The following LRP12 variants were observed in gnomAD, a reference collection of about 807,000 sequenced individuals.
LRP12 encodes low-density lipoprotein receptor-related protein 12.
LRP12 carries 14 observed loss-of-function variants against 66.0 expected under a neutral mutation model. The observed-to-expected ratio is 0.21, with a 90% CI of 0.14 to 0.33. The LOEUF (loss-of-function observed/expected upper bound fraction) is 0.33, where lower values mean the gene tolerates loss of function less well. Ranked by LOEUF, LRP12 falls within the 10% of genes least tolerant of loss-of-function variation. The pLI is 1.00. For missense variants in LRP12, 889 were observed against 1,053.4 expected (o/e 0.84, Z 2.16); for synonymous variants, 357 against 359.1 (o/e 0.99, Z 0.07).
chr8:104,497,750 CATAAAA>C lies in LRP12; in HGVS notation c.796_801del (p.Phe266_Tyr267del). On this transcript the variant is annotated inframe_deletion, in exon 5 of 7. Coordinates refer to ENST00000276654, the MANE Select transcript of LRP12 (RefSeq NM_013437.5). The surrounding 1 kb of genome is among the most constrained non-coding windows in gnomAD (Gnocchi z 4.3). ...GGATAATTGGGAGAATTAAAAGTACCATAAAAATATTTTAGCCATTGCCCACATGTT... is the reference window on the plus strand; with the variant it reads ...GGATAATTGGGAGAATTAAAAGTACCATATTTTAGCCATTGCCCACATGTT... 1 of 1,613,654 alleles carries C rather than the reference CATAAAA, an allele frequency of 6.2e-7. No homozygotes were observed. The highest frequency in any genetic ancestry group is 1.1e-5 in the South Asian group (1 of 90,978).
intron 1 of LRP12, among the ~76,000 whole-genome samples, chr8:104,577,743 G>A (rs1260344815): frequency 2.0e-5 from 3 of 150,730 alleles, no homozygotes; most frequent in African/African-American, 2.4e-5. Flanking sequence ...CCAGGGAGGC[G>A]GAGCTTGCAG....
intron 2 of LRP12, among the ~76,000 whole-genome samples, chr8:104,525,371 G>A (rs1040661861): frequency 1.3e-5 from 2 of 151,976 alleles, no homozygotes; most frequent in African/African-American, 4.8e-5. Flanking sequence ...TGTAGCATCA[G>A]AACGAGCAAA....
At chr8:104,567,870 C>T (rs978663550) in intron 1 of LRP12, among the ~76,000 whole-genome samples, 20 of 152,302 alleles carry the variant, frequency 1.3e-4, no homozygotes, top group African/African-American at 4.3e-4. Flanking sequence ...AGATTCCATG[C>T]AATCCCTATC....
At chr8:104,532,550 G>C (rs1244831948) in intron 1 of LRP12, among the ~76,000 whole-genome samples, 1 of 151,900 alleles carries the variant, frequency 6.6e-6, no homozygotes, top group Non-Finnish European at 1.5e-5. Flanking sequence ...TACATCATTA[G>C]TTCTAAAGGT....
At chr8:104,524,342 A>G (rs1811197794) in intron 2 of LRP12, among the ~76,000 whole-genome samples, 1 of 152,112 alleles carries the variant, frequency 6.6e-6, no homozygotes. Context: ...AGTCAACAGC[A>G]TGCTATTGAG....
chr8:104,586,652 T>C (rs1223411242), intron 1 of LRP12, among the ~76,000 whole-genome samples: 1 of 152,210 alleles, frequency 6.6e-6, no homozygotes, highest in Non-Finnish European at 1.5e-5. Flanking sequence ...ACTATTGTTA[T>C]AGAACCACAT....
intron 1 of LRP12, among the ~76,000 whole-genome samples, chr8:104,536,968 T>C (rs1811400262): frequency 6.6e-6 from 1 of 151,364 alleles, no homozygotes; most frequent in Non-Finnish European, 1.5e-5. Flanking sequence ...GAAAAAAGAT[T>C]AAAAGAAAAA....
At chr8:104,583,531 T>C (rs1303269306) in intron 1 of LRP12, among the ~76,000 whole-genome samples, 1 of 152,194 alleles carries the variant, frequency 6.6e-6, no homozygotes, top group African/African-American at 2.4e-5. Context: ...TGTCTGTTTC[T>C]TTGAGAGCAC....
intron 1 of LRP12, among the ~76,000 whole-genome samples, chr8:104,574,166 T>C (rs538886403): frequency 1.2e-4 from 18 of 152,158 alleles, no homozygotes; most frequent in Non-Finnish European, 1.9e-4. Context: ...TTTTTGTTTC[T>C]GTTGGAAAAT....
intron 1 of LRP12, among the ~76,000 whole-genome samples, chr8:104,552,365 T>C (rs1195409862): frequency 6.6e-6 from 1 of 151,696 alleles, no homozygotes; most frequent in East Asian, 1.9e-4. Flanking sequence ...AAATATGTCT[T>C]TTTTTTGTTG....
At chr8:104,526,266 T>G (rs1344233091) in intron 2 of LRP12, among the ~76,000 whole-genome samples, 1 of 151,960 alleles carries the variant, frequency 6.6e-6, no homozygotes, top group Non-Finnish European at 1.5e-5. Flanking sequence ...CCAAGGTAAT[T>G]TATAGATTCA....
chr8:104,529,476 T>C (rs1811293872), intron 2 of LRP12, among the ~76,000 whole-genome samples: 1 of 152,252 alleles, frequency 6.6e-6, no homozygotes, highest in Admixed American at 6.5e-5. Context: ...TCTTTACTGC[T>C]GATTTCTTTC....
intron 3 of LRP12, among the ~76,000 whole-genome samples, chr8:104,503,119 C>T (rs929354973): frequency 6.6e-6 from 1 of 151,996 alleles, no homozygotes; most frequent in Non-Finnish European, 1.5e-5. Context: ...TTAGTGTCCT[C>T]TCTAAGCTAT....
intron 1 of LRP12, among the ~76,000 whole-genome samples, chr8:104,585,022 A>G (rs1471998506): frequency 6.6e-6 from 1 of 152,244 alleles, no homozygotes; most frequent in Non-Finnish European, 1.5e-5. Flanking sequence ...CTAGAATACT[A>G]CTGTGAACAG....
intron 1 of LRP12, among the ~76,000 whole-genome samples, chr8:104,577,180 G>A (rs7000469): frequency 1.3e-5 from 2 of 152,022 alleles, no homozygotes; most frequent in Non-Finnish European, 2.9e-5. Flanking sequence ...CATCAAAACA[G>A]AAAATTAACA....
In LRP12 at chr8:104,588,973, C is replaced by CCGA. The variant is rs947955197; in HGVS notation, c.-77_-76insTCG. Reference sequence around the variant, plus strand: ...AAGCTGGAGGTAGACGACGCCGACGCCGCCGCCGCCGCCGCCGCCGCCGCC... The same window carrying CCGA: ...AAGCTGGAGGTAGACGACGCCGACGCCGACGCCGCCGCCGCCGCCGCCGCCGCC... On this transcript the variant is annotated 5_prime_UTR_variant, in exon 1 of 7. Coordinates refer to ENST00000276654, the MANE Select transcript of LRP12 (RefSeq NM_013437.5). 1.1e-4 allele frequency: 67 copies of CCGA among 582,828 alleles called. 1 individual carries two copies. Among genetic ancestry groups the CCGA allele is most frequent in the Admixed American group, 3.7e-4 (10 of 27,380 alleles). The allele number at this position is 582,828 out of a possible 1,614,324, so 36.1% of individuals were successfully genotyped here.
chr8:104,567,437 G>A (rs1274833803), intron 1 of LRP12, among the ~76,000 whole-genome samples: 3 of 152,068 alleles, frequency 2.0e-5, no homozygotes, highest in African/African-American at 7.2e-5. Context: ...ATGATTTAAT[G>A]ACCTCCCCCG....
intron 1 of LRP12, among the ~76,000 whole-genome samples, chr8:104,536,733 C>T (rs1335315365): frequency 2.6e-5 from 4 of 151,398 alleles, no homozygotes; most frequent in African/African-American, 7.3e-5. Flanking sequence ...TTAGACAGTG[C>T]GATTAGACAA....
At chr8:104,496,931 C>T (rs1810737824) in intron 5 of LRP12, 41 bp downstream of exon 5, 4 of 1,462,256 alleles carry the variant, frequency 2.7e-6, no homozygotes, top group Non-Finnish European at 3.6e-6. Context: ...ACACTTGGGC[C>T]TGCTTTTATT....
Sources: gnomAD v4.1 joint callset for allele counts (sites outside exome capture counted in the v4.1 genomes callset) on GRCh38, gnomAD v4.1.1 for gene constraint, Gnocchi (gnomAD v3.1) non-coding constraint, MANE v1.5 for transcripts, NCBI Gene and HGNC (gene_info 2026-07-23, HGNC 2026-07-21) for gene names.